The following PAFAH1B1 variants were observed in gnomAD, a reference collection of about 807,000 sequenced individuals.
The protein encoded by PAFAH1B1 is platelet-activating factor acetylhydrolase IB subunit beta.
Under a neutral mutation model 57.5 loss-of-function variants are expected in PAFAH1B1, and 2 were observed. The ratio of observed to expected loss-of-function variants is 0.03; its 90% confidence interval spans 0.01 to 0.11. PAFAH1B1 has a LOEUF of 0.11. Among genes scored for constraint, PAFAH1B1 ranks in the 10% least tolerant of loss-of-function variants. The pLI is 1.00. For missense variants in PAFAH1B1, 257 were observed against 512.0 expected, an observed-to-expected ratio of 0.50 and a Z score of 4.81; for synonymous variants, 152 against 169.6, an observed-to-expected ratio of 0.90 and a Z score of 0.81.
Position 2,682,383 on chromosome 17 carries a change from G to A in PAFAH1B1, c.*581G>A, listed in dbSNP as rs1341044591. On this transcript the variant is annotated 3_prime_UTR_variant, in exon 11 of 11. Transcript: ENST00000397195. Reference sequence around the variant, plus strand: ...CATGACACATTTGCCAAATCAGTAGGATATATTTGTTTTGGCAGCCTATCA... The same window carrying A: ...CATGACACATTTGCCAAATCAGTAGAATATATTTGTTTTGGCAGCCTATCA... The A allele has an allele frequency of 6.6e-6, 1 of 152,642 alleles. No homozygotes were observed. The highest frequency in any genetic ancestry group is 1.5e-5 in the Non-Finnish European group (1 of 68,066). The allele number at this position is 152,642 out of a possible 1,614,324, so 9.5% of individuals were successfully genotyped here. A position where few individuals can be genotyped will look rare whatever the true frequency, so the allele number is the denominator to read the frequency against.
At chr17:2,660,564 C>T (rs757923552) in intron 2 of PAFAH1B1, among the ~76,000 whole-genome samples, 2 of 152,138 alleles carry the variant, frequency 1.3e-5, no homozygotes, top group Admixed American at 1.3e-4. Flanking sequence ...TCATCCATGT[C>T]GCCACAAAGG....
chr17:2,606,550 A>G (rs552780511), intron 1 of PAFAH1B1, among the ~76,000 whole-genome samples: 119 of 151,906 alleles, frequency 7.8e-4, no homozygotes, highest in Non-Finnish European at 1.5e-3. Flanking sequence ...TTTAGTAGAG[A>G]TGGGGTTTCA....
At chr17:2,677,069 C>T (rs1221095258) in intron 9 of PAFAH1B1, among the ~76,000 whole-genome samples, 4 of 152,238 alleles carry the variant, frequency 2.6e-5, no homozygotes, top group Middle Eastern at 3.4e-3. Flanking sequence ...AGGAGAATGG[C>T]GTGAACCCGG....
At chr17:2,636,932 G>T (rs1449129884) in intron 1 of PAFAH1B1, among the ~76,000 whole-genome samples, 3 of 151,926 alleles carry the variant, frequency 2.0e-5, no homozygotes, top group Non-Finnish European at 4.4e-5. Context: ...TGTTTCCCAG[G>T]CTGGTCTTGA....
At chr17:2,607,400 C>A (rs1035633970) in intron 1 of PAFAH1B1, among the ~76,000 whole-genome samples, 4 of 150,408 alleles carry the variant, frequency 2.7e-5, no homozygotes, top group South Asian at 4.2e-4. Flanking sequence ...TGGTCTCCAT[C>A]TCCTGACCTC....
chr17:2,667,302 C>T, intron 5 of PAFAH1B1, 104 bp downstream of exon 5: 1 of 805,904 alleles, frequency 1.2e-6, no homozygotes. Context: ...CCACTGCACT[C>T]CAGCCTGGGC....
intron 2 of PAFAH1B1, among the ~76,000 whole-genome samples, chr17:2,650,639 C>CAAAAAAA (rs10582467): frequency 1.8e-5 from 2 of 108,834 alleles, no homozygotes; most frequent in African/African-American, 6.8e-5. Context: ...GACTCTGTCT[C>CAAAAAAA]AAAAAAAAAA....
At chr17:2,679,429 ATTGGATGG>A (rs2069331345) in intron 9 of PAFAH1B1, among the ~76,000 whole-genome samples, 2 of 141,564 alleles carry the variant, frequency 1.4e-5, no homozygotes, top group Admixed American at 7.0e-5. Flanking sequence ...TAGATGGATG[ATTGGATGG>A]TTGGATGGAT....
chr17:2,634,782 G>A (rs1021786873), intron 1 of PAFAH1B1, among the ~76,000 whole-genome samples: 2 of 152,006 alleles, frequency 1.3e-5, no homozygotes, highest in African/African-American at 2.4e-5. Flanking sequence ...GTCATCACCC[G>A]CAGGTGGCAA....
intron 9 of PAFAH1B1, among the ~76,000 whole-genome samples, chr17:2,677,275 T>C (rs1230544041): frequency 1.3e-5 from 2 of 152,240 alleles, no homozygotes; most frequent in Non-Finnish European, 2.9e-5. Context: ...TGAATCCTTT[T>C]AACTGTTATA....
chr17:2,670,457 T>C (rs2069166399), intron 6 of PAFAH1B1, 126 bp downstream of exon 6: 2 of 940,206 alleles, frequency 2.1e-6, no homozygotes, highest in Non-Finnish European at 3.4e-6. Context: ...TGGAAGAGCA[T>C]ACCATGTAGA....
chr17:2,596,315 T>G (rs915002074), intron 1 of PAFAH1B1, among the ~76,000 whole-genome samples: 1 of 152,212 alleles, frequency 6.6e-6, no homozygotes, highest in Non-Finnish European at 1.5e-5. Context: ...ACAGGAATAC[T>G]GCAATAATCT....
chr17:2,662,547 G>A (rs551662742), intron 2 of PAFAH1B1, among the ~76,000 whole-genome samples: 6 of 151,834 alleles, frequency 4.0e-5, no homozygotes, highest in African/African-American at 1.4e-4. Context: ...GGGATTACAG[G>A]CTCCTGCCAC....
intron 2 of PAFAH1B1, among the ~76,000 whole-genome samples, chr17:2,650,993 C>T (rs922566545): frequency 3.9e-5 from 6 of 152,082 alleles, no homozygotes; most frequent in Admixed American, 2.0e-4. Context: ...GGAAGACCTT[C>T]GCTAATCATG....
chr17:2,648,677 CAAAAA>C (rs56187260), intron 2 of PAFAH1B1, among the ~76,000 whole-genome samples: 2 of 87,014 alleles, frequency 2.3e-5, no homozygotes, highest in East Asian at 4.3e-4. Flanking sequence ...GACTCTGTCT[CAAAAA>C]AAAAAAAAAA....
At chr17:2,610,924 A>C (rs2068260760) in intron 1 of PAFAH1B1, among the ~76,000 whole-genome samples, 2 of 152,198 alleles carry the variant, frequency 1.3e-5, no homozygotes, top group African/African-American at 4.8e-5. Context: ...AGTTTCCCTC[A>C]ACCCAGCTTT....
At chr17:2,657,829 C>G (rs1252212299) in intron 2 of PAFAH1B1, among the ~76,000 whole-genome samples, 1 of 152,122 alleles carries the variant, frequency 6.6e-6, no homozygotes, top group African/African-American at 2.4e-5. Context: ...CTTTTATATT[C>G]CTTGGTATAA....
chr17:2,672,030 G>A (rs2069191197), intron 6 of PAFAH1B1, among the ~76,000 whole-genome samples: 1 of 152,038 alleles, frequency 6.6e-6, no homozygotes, highest in South Asian at 2.1e-4. Flanking sequence ...CACTTTTGGA[G>A]GCCAAGGCAG....
At chr17:2,679,971 T>G (rs2069352839) in intron 9 of PAFAH1B1, 193 bp from the exon 10 acceptor site, 2 of 600,916 alleles carry the variant, frequency 3.3e-6, no homozygotes, top group South Asian at 4.0e-5. Flanking sequence ...CAGGACCCAG[T>G]CAGGGATCGT....
Sources: gnomAD v4.1 joint callset for allele counts (sites outside exome capture counted in the v4.1 genomes callset) on GRCh38, gnomAD v4.1.1 for gene constraint, MANE v1.5 for transcripts, NCBI Gene and HGNC (gene_info 2026-07-23, HGNC 2026-07-21) for gene names.